CNTNAP4: variants seen among roughly 807,000 people sequenced by gnomAD.
CNTNAP4 encodes the protein contactin associated protein family member 4, also known as contactin-associated protein-like 4.
Under a neutral mutation model 148.4 loss-of-function variants are expected in CNTNAP4, and 98 were observed. That is an observed-to-expected ratio of 0.66 (90% CI 0.56 to 0.78). CNTNAP4 has a LOEUF of 0.78. CNTNAP4 is among the 30% of genes least tolerant of loss of function. The pLI is 0.00. For synonymous variants in CNTNAP4, 730 were observed against 565.1 expected, an observed-to-expected ratio of 1.29 and a Z score of -4.14; for missense variants, 1,935 against 1,565.6, an observed-to-expected ratio of 1.24 and a Z score of -3.98.
At chr16:76,395,424 C>G (rs971139930) in intron 3 of CNTNAP4, among the ~76,000 whole-genome samples, 1 of 151,526 alleles carries the variant, frequency 6.6e-6, no homozygotes, top group East Asian at 1.9e-4. Flanking sequence ...TGCCACCACA[C>G]TGGGCTAATT....
chr16:76,496,129 CACTT>C (rs1243990085), intron 14 of CNTNAP4, among the ~76,000 whole-genome samples: 4 of 122,744 alleles, frequency 3.3e-5, no homozygotes, highest in East Asian at 2.5e-4. Flanking sequence ...TTTAGAATTG[CACTT>C]ACTTTTAGTG....
At chr16:76,508,300 T>C (rs1474070876) in intron 15 of CNTNAP4, among the ~76,000 whole-genome samples, 2 of 97,660 alleles carry the variant, frequency 2.0e-5, no homozygotes, top group African/African-American at 5.1e-5. Context: ...TTAGACTCTA[T>C]TGAGTTATTG....
At chr16:76,353,870 G>A (rs142853026) in intron 2 of CNTNAP4, among the ~76,000 whole-genome samples, 92 of 152,286 alleles carry the variant, frequency 6.0e-4, no homozygotes, top group African/African-American at 2.1e-3. Context: ...ACACTGGTGT[G>A]TGCCTTCAGG....
chr16:76,521,143 C>A lies in CNTNAP4; in HGVS notation c.2369C>A (p.Ser790Ter). Residue 790 changes from serine (S) to a stop codon, truncating the protein, a stop_gained, in exon 16 of 24, where the codon TCA (serine) becomes TAA (stop). Coordinates refer to ENST00000611870, the MANE Select transcript of CNTNAP4 (RefSeq NM_033401.5). LOFTEE classifies it high-confidence loss of function. Reference protein sequence around the residue: ...LGPLLCQGDRSFWNSASFDTE... With the variant: ...LGPLLCQGDR ...CTTTTTTTTTTTCACAAAACAGGAT[C>A]ATTTTGGAATTCAGCTTCCTTTGAT... is the stretch of plus-strand genomic sequence containing the variant. 1 of 1,554,358 alleles carries A rather than the reference C, an allele frequency of 6.4e-7. No individual in the cohort carries two copies. The highest frequency in any genetic ancestry group is 8.6e-7 in the Non-Finnish European group (1 of 1,158,006).
intron 12 of CNTNAP4, among the ~76,000 whole-genome samples, chr16:76,481,204 A>G (rs1458748953): frequency 6.6e-6 from 1 of 152,186 alleles, no homozygotes; most frequent in African/African-American, 2.4e-5. Flanking sequence ...CAGTAAAAGG[A>G]GTATTGATCT....
chr16:76,343,740 ATTTT>A (rs72526066), intron 2 of CNTNAP4, among the ~76,000 whole-genome samples: 1 of 140,954 alleles, frequency 7.1e-6, no homozygotes, highest in South Asian at 2.3e-4. Flanking sequence ...TTGAAACTTC[ATTTT>A]TTTTTTGTCT....
intron 1 of CNTNAP4, among the ~76,000 whole-genome samples, chr16:76,295,345 T>G (rs1959210192): frequency 6.6e-6 from 1 of 152,186 alleles, no homozygotes; most frequent in Admixed American, 6.5e-5. Context: ...ATCCTGTAGG[T>G]AAAGCTAAGG....
chr16:76,315,878 A>G (rs191504820), intron 1 of CNTNAP4, among the ~76,000 whole-genome samples: 69 of 152,098 alleles, frequency 4.5e-4, no homozygotes, highest in Middle Eastern at 3.4e-3. Flanking sequence ...CACAGGTGTG[A>G]GCCACCACGC....
At chr16:76,392,583 C>T (rs999066591) in intron 3 of CNTNAP4, among the ~76,000 whole-genome samples, 4 of 152,038 alleles carry the variant, frequency 2.6e-5, no homozygotes, top group Non-Finnish European at 5.9e-5. Context: ...AAATATGTCC[C>T]CTCACCACAT....
chr16:76,436,565 G>C lies in CNTNAP4; in HGVS notation c.538+8966G>C, dbSNP rs558796329. 2.9e-3 allele frequency among the ~76,000 whole-genome samples: 440 copies of C among 152,244 alleles called. 1 individual carries two copies. Among genetic ancestry groups the C allele is most frequent in the African/African-American group, 9.6e-3 (397 of 41,550 alleles). ...ACCCACTATCTGCTTCTGAAGCCAG[G>C]AGACAGAATCCCTGAGTTCATCATT... On this transcript the variant is annotated intron_variant, in intron 4 of 23. Transcript: ENST00000611870.
In CNTNAP4 at chr16:76,507,124, A is replaced by T. The variant is rs1314647118; in HGVS notation, c.2365+8430A>T. On this transcript the variant is annotated intron_variant, in intron 15 of 23. Coordinates refer to ENST00000611870, the MANE Select transcript of CNTNAP4 (RefSeq NM_033401.5). ...CATAATAGATGTATATATTTATGGG[A>T]TACATGAGACATTTTGTCACAGGCA... Among the ~76,000 whole-genome samples, 3 of 97,580 alleles carry T rather than the reference A, an allele frequency of 3.1e-5. 1 individual carries two copies. Among genetic ancestry groups the T allele is most frequent in the African/African-American group, 7.7e-5 (3 of 38,868 alleles). The allele number at this position is 97,580 out of a possible 152,430, so 64.0% of individuals were successfully genotyped here. A position where few individuals can be genotyped will look rare whatever the true frequency, so the allele number is the denominator to read the frequency against.
At chr16:76,557,397 C>T (rs779407142) in intron 23 of CNTNAP4, 42 of 152,272 alleles carry the variant, frequency 2.8e-4, no homozygotes, top group Non-Finnish European at 5.7e-4. Context: ...GTTCACAACT[C>T]AAAGGTTCAC....
At chr16:76,482,726 T>C (rs533807966) in intron 12 of CNTNAP4, among the ~76,000 whole-genome samples, 16 of 152,320 alleles carry the variant, frequency 1.1e-4, no homozygotes, top group African/African-American at 3.1e-4. Context: ...CCTGCATATG[T>C]GTCTTCTCAA....
At chr16:76,428,143 A>G (rs1874379211) in intron 4 of CNTNAP4, among the ~76,000 whole-genome samples, 1 of 152,214 alleles carries the variant, frequency 6.6e-6, no homozygotes, top group Admixed American at 6.6e-5. Context: ...TTCACATAAA[A>G]AAGATAGAAA....
intron 4 of CNTNAP4, among the ~76,000 whole-genome samples, chr16:76,429,862 A>G (rs923072044): frequency 6.6e-6 from 1 of 152,210 alleles, no homozygotes; most frequent in African/African-American, 2.4e-5. Flanking sequence ...TTGAAGTAGT[A>G]GTACTGGAAG....
chr16:76,468,921 T>G (rs1222774431), intron 10 of CNTNAP4, among the ~76,000 whole-genome samples: 1 of 152,192 alleles, frequency 6.6e-6, no homozygotes, highest in Non-Finnish European at 1.5e-5. Context: ...TTTAAAACAG[T>G]GTGACCAAAT....
intron 10 of CNTNAP4, 49 bp downstream of exon 10, chr16:76,467,572 A>T (rs1172658200): frequency 6.8e-7 from 1 of 1,470,506 alleles, no homozygotes; most frequent in Non-Finnish European, 9.2e-7. Context: ...CTTTGGCATC[A>T]GATTAAAATT....
chr16:76,281,057 A>G (rs6564313), intron 1 of CNTNAP4, among the ~76,000 whole-genome samples: 10,940 of 152,110 alleles, frequency 0.072, 1,365 homozygotes, highest in African/African-American at 0.25. Context: ...CTTTTCTCTG[A>G]TGGAAATAAA....
At chr16:76,326,024 A>G (rs939496649) in intron 2 of CNTNAP4, among the ~76,000 whole-genome samples, 1 of 152,224 alleles carries the variant, frequency 6.6e-6, no homozygotes, top group East Asian at 1.9e-4. Flanking sequence ...GCCTTCAAAT[A>G]TGACTTCTTG....
Sources: gnomAD v4.1 joint callset for allele counts (sites outside exome capture counted in the v4.1 genomes callset) on GRCh38, gnomAD v4.1.1 for gene constraint, MANE v1.5 for transcripts, NCBI Gene and HGNC (gene_info 2026-07-23, HGNC 2026-07-21) for gene names.